Variants in ZBED6 observed in about 807,000 individuals in gnomAD.
The protein encoded by ZBED6 is zinc finger BED-type containing 6, also known as zinc finger BED domain-containing protein 6.
A neutral mutation model predicts 58.4 loss-of-function variants in ZBED6; 40 were observed. That is an observed-to-expected ratio of 0.68 (90% CI 0.53 to 0.89). The LOEUF is 0.89. ZBED6 is among the 40% of genes least tolerant of loss of function. The probability of loss-of-function intolerance (pLI) is 0.00; values close to 1 mark genes in which losing one functional copy is unlikely to be tolerated. For missense variants in ZBED6, 1,057 were observed against 1,003.9 expected, an observed-to-expected ratio of 1.05 and a Z score of -0.71; for synonymous variants, 439 against 350.6, an observed-to-expected ratio of 1.25 and a Z score of -2.82.
chr1:203,800,375 T>C, exon 1 of ZBED6: 1 of 978,190 alleles, frequency 1.0e-6, no homozygotes, highest in Non-Finnish European at 1.6e-6. Flanking sequence ...TGAAAAATGT[T>C]AACTACGATT....
At chr1:203,814,233 A>G (rs1675477590) in intron 1 of ZBED6, among the ~76,000 whole-genome samples, 1 of 152,182 alleles carries the variant, frequency 6.6e-6, no homozygotes, top group Non-Finnish European at 1.5e-5. Context: ...TTTAACAGGA[A>G]TAACCTTTCC....
chr1:203,826,046 AT>A (rs1680411841), intron 3 of ZBED6, among the ~76,000 whole-genome samples: 1 of 152,210 alleles, frequency 6.6e-6, no homozygotes, highest in Non-Finnish European at 1.5e-5. Flanking sequence ...AAGATGTAAA[AT>A]TTAAGCAAAG....
Position 203,798,798 on chromosome 1 carries a change from A to G in ZBED6, c.1276A>G (p.Asn426Asp), listed in dbSNP as rs778920705. ...GATTGTGGAGGATATGCATCCTTAC[A>G]ACTATTTCTCAACCCCAGCCTTTCA... Residue 426 changes from asparagine (N) to aspartate (D), a missense_variant, in exon 1 of 17, where the codon AAC becomes GAC. Coordinates refer to ENST00000550078, the Ensembl canonical transcript of ZBED6. The G allele has an allele frequency of 2.0e-6, 3 of 1,536,062 alleles. No homozygotes were observed. In the South Asian group the frequency reaches 3.6e-5, roughly 18 times the overall value.
intron 1 of ZBED6, among the ~76,000 whole-genome samples, chr1:203,806,864 A>C (rs1371796431): frequency 7.4e-6 from 1 of 135,880 alleles, no homozygotes; most frequent in African/African-American, 2.8e-5. Context: ...TTACTTGATA[A>C]AGACTACTTC....
chr1:203,819,266 C>A (rs540813742), intron 3 of ZBED6, among the ~76,000 whole-genome samples: 1 of 148,026 alleles, frequency 6.8e-6, no homozygotes, highest in African/African-American at 2.5e-5. Context: ...CTGTCGCCCA[C>A]GCTGGAGTGC....
chr1:203,798,766 T>C, exon 1 of ZBED6: 2 of 1,536,140 alleles, frequency 1.3e-6, no homozygotes, highest in South Asian at 1.2e-5. Context: ...CAGGCAATTA[T>C]CCAAATGATT....
At chr1:203,798,496 G>T (rs564728552) in exon 1 of ZBED6, 1 of 1,536,024 alleles carries the variant, frequency 6.5e-7, no homozygotes, top group African/African-American at 1.4e-5. Context: ...AACAAAGACA[G>T]TGGTGCTGTT....
At chr1:203,831,692 C>G (rs752199739) in exon 8 of ZBED6, 6 of 1,613,002 alleles carry the variant, frequency 3.7e-6, no homozygotes, top group Non-Finnish European at 5.1e-6. Context: ...GTCTTTTACT[C>G]CACCCTGAGC....
At position 203,807,569 on chromosome 1, in the gene ZBED6, C is replaced by T. The variant is rs148464263; in HGVS notation, c.*2554+4553C>T. On this transcript the variant is annotated intron_variant, in intron 1 of 16. Transcript: ENST00000550078. ...AGAGATAGAGTCTCGCTCTGCCTCC[C>T]AGGCTGGAGTGCAGTGATGTGATCA... Among the ~76,000 whole-genome samples, 58 of 152,086 alleles carry T rather than the reference C, an allele frequency of 3.8e-4. No homozygotes were observed. In the East Asian group the frequency reaches 0.011, roughly 29 times the overall value.
exon 1 of ZBED6, chr1:203,801,304 A>T (rs1278646693): frequency 3.3e-5 from 5 of 152,182 alleles, no homozygotes; most frequent in Non-Finnish European, 7.4e-5. Flanking sequence ...TTTTAAAAAC[A>T]TACTTAATGA....
At chr1:203,797,805 G>C (rs1181920550) in exon 1 of ZBED6, 4 of 1,536,086 alleles carry the variant, frequency 2.6e-6, no homozygotes, top group Non-Finnish European at 3.5e-6. Context: ...TGGGAGGCCT[G>C]TTGCAGATGC....
rs572537750 is a variant in ZBED6, at chr1:203,828,197, G to A, written c.*2874-102G>A. The A allele has an allele frequency of 3.4e-4, 470 of 1,400,982 alleles. 2 individuals are homozygous for A. In the African/African-American group the frequency reaches 6.1e-3, roughly 18 times the overall value. 86.8% of individuals were successfully genotyped at this position (1,400,982 alleles called of 1,614,324 possible). A position where few individuals can be genotyped will look rare whatever the true frequency, so the allele number is the denominator to read the frequency against. On this transcript the variant is annotated intron_variant, in intron 3 of 16. Coordinates refer to ENST00000550078, the Ensembl canonical transcript of ZBED6. ...AAAATCATCTCATCTCACATGCCTC[G>A]GATTTTTGAACCCTGTATGAACTTT...
chr1:203,819,074 A>AT (rs1471524796), intron 3 of ZBED6, among the ~76,000 whole-genome samples: 77 of 35,628 alleles, frequency 2.2e-3, no homozygotes, highest in Middle Eastern at 0.015. Context: ...TCTCAAAAAA[A>AT]AAAATATATA....
At chr1:203,805,293 G>A (rs919190625) in intron 1 of ZBED6, among the ~76,000 whole-genome samples, 8 of 150,868 alleles carry the variant, frequency 5.3e-5, no homozygotes, top group Admixed American at 1.3e-4. Flanking sequence ...CACCACACCC[G>A]GCTAATTTTT....
rs1689056871 is a variant in ZBED6 at position 203,850,739 on chromosome 1, A to G, written c.*4805+58A>G. The G allele has an allele frequency of 4.5e-6, 7 of 1,571,110 alleles. No homozygotes were observed. In the South Asian group the frequency reaches 8.0e-5, roughly 18 times the overall value. Reference sequence around the variant, plus strand: ...TCTGTGTGGTAGGAAAGCAGGAAAGACTAACTCTCCACTAGCATTCTATCT... The same window carrying G: ...TCTGTGTGGTAGGAAAGCAGGAAAGGCTAACTCTCCACTAGCATTCTATCT... On this transcript the variant is annotated intron_variant, in intron 15 of 16. Coordinates refer to ENST00000550078, the Ensembl canonical transcript of ZBED6.
intron 1 of ZBED6, among the ~76,000 whole-genome samples, chr1:203,814,705 A>T (rs1300500474): frequency 6.6e-6 from 1 of 152,206 alleles, no homozygotes; most frequent in Non-Finnish European, 1.5e-5. Flanking sequence ...ATGACCCAAT[A>T]ACAAAGCTGC....
intron 10 of ZBED6, among the ~76,000 whole-genome samples, chr1:203,839,078 G>T (rs138180837): frequency 6.6e-6 from 1 of 152,290 alleles, no homozygotes; most frequent in East Asian, 1.9e-4. Context: ...GGGCAAGCAT[G>T]CTGGCGTGGA....
intron 9 of ZBED6, chr1:203,835,765 C>T: frequency 4.1e-6 from 1 of 241,668 alleles, no homozygotes. Context: ...GCTTTGTATA[C>T]ATAAGCACAT....
At chr1:203,806,677 G>A (rs1672451790) in intron 1 of ZBED6, among the ~76,000 whole-genome samples, 1 of 152,044 alleles carries the variant, frequency 6.6e-6, no homozygotes, top group African/African-American at 2.4e-5. Flanking sequence ...CTGTTGAATG[G>A]GTGTCCTTTT....
Sources: gnomAD v4.1 joint callset for allele counts (sites outside exome capture counted in the v4.1 genomes callset) on GRCh38, gnomAD v4.1.1 for gene constraint, MANE v1.5 for transcripts, NCBI Gene and HGNC (gene_info 2026-07-23, HGNC 2026-07-21) for gene names.